Variants in ERMP1 observed in about 807,000 individuals in gnomAD.
ERMP1 encodes the protein endoplasmic reticulum metallopeptidase 1, also known as Felix-ina.
ERMP1 carries 86 observed loss-of-function variants against 92.0 expected under a neutral mutation model. The ratio of observed to expected loss-of-function variants is 0.93; its 90% CI spans 0.79 to 1.12. ERMP1 has a LOEUF of 1.12. ERMP1 is among the 50% of genes most tolerant of loss of function. The pLI, the probability that ERMP1 is intolerant of heterozygous loss-of-function variation, is 0.00. For missense variants in ERMP1, 1,342 were observed against 1,116.3 expected (o/e 1.20, Z -2.88); for synonymous variants, 530 against 412.8 (o/e 1.28, Z -3.44).
chr9:5,786,064 G>C lies in ERMP1; in HGVS notation c.*1080C>G, dbSNP rs1827923340. On this transcript the variant is annotated 3_prime_UTR_variant, in exon 15 of 15. Transcript: ENST00000339450. Reference sequence around the variant, plus strand: ...GTACAGTGGTCTCATTCCAGTATAAGCCACAACCTCAAGTCTCAGGAAAGC... The same window carrying C: ...GTACAGTGGTCTCATTCCAGTATAACCCACAACCTCAAGTCTCAGGAAAGC... 1 of 152,242 alleles carries C rather than the reference G, an allele frequency of 6.6e-6. No individual in the cohort carries two copies. Among genetic ancestry groups the C allele is most frequent in the African/African-American group, 2.4e-5 (1 of 41,540 alleles). The allele number at this position is 152,242 out of a possible 1,614,324, so 9.4% of individuals were successfully genotyped here.
intron 6 of ERMP1, among the ~76,000 whole-genome samples, chr9:5,851,793 ACACATAAAAATTG>A (rs1206316767): frequency 3.3e-5 from 5 of 152,198 alleles, no homozygotes; most frequent in Non-Finnish European, 7.3e-5. Context: ...TGATTTTAAC[ACACATAAAAATTG>A]AGAAAACACT....
At chr9:5,823,592 T>A (rs1586815279) in intron 4 of ERMP1, among the ~76,000 whole-genome samples, 1 of 152,216 alleles carries the variant, frequency 6.6e-6, no homozygotes, top group Non-Finnish European at 1.5e-5. Flanking sequence ...CTCTCTGGAC[T>A]CAGTTTCATC....
At chr9:5,803,179 C>A (rs1828739100) in intron 10 of ERMP1, among the ~76,000 whole-genome samples, 1 of 152,138 alleles carries the variant, frequency 6.6e-6, no homozygotes, top group South Asian at 2.1e-4. Context: ...CTCCATTACC[C>A]AAAGAAAACA....
intron 12 of ERMP1, among the ~76,000 whole-genome samples, chr9:5,798,294 G>T (rs1828528098): frequency 2.0e-5 from 3 of 151,900 alleles, no homozygotes; most frequent in Admixed American, 2.0e-4. Context: ...TCGGCTCACC[G>T]CAACCTCCAC....
upstream of ERMP1, chr9:5,833,156 T>G: frequency 1.2e-6 from 1 of 844,106 alleles, no homozygotes; most frequent in South Asian, 2.2e-5. Flanking sequence ...AAACTTCTTC[T>G]GATTGGCCCG....
At position 5,787,477 on chromosome 9, in the gene ERMP1, A is replaced by G. The variant is rs768074009; in HGVS notation, c.2503T>C (p.Ser835Pro). Residue 835 changes from serine (S) to proline (P), a missense_variant, in exon 14 of 15, where the codon TCC becomes CCC. Coordinates refer to ENST00000339450, the MANE Select transcript of ERMP1 (RefSeq NM_024896.3). ...CATGCAGAGGCCTGGAGTCCATGGG[A>G]GTAAAAGACAAAGTAGTCTCCTCCT... ...SKGGDYFVFY[S>P]HGLQASAWQF... The G allele has an allele frequency of 1.2e-6, 2 of 1,614,178 alleles. No individual in the cohort carries two copies. The highest frequency in any genetic ancestry group is 1.7e-6 in the Non-Finnish European group (2 of 1,179,996).
chr9:5,813,050 GACAAC>G lies in ERMP1; in HGVS notation c.875-20_875-16del. 6.2e-7 allele frequency: 1 copy of G among 1,612,192 alleles called. No individual in the cohort carries two copies. The highest frequency in any genetic ancestry group is 8.5e-7 in the Non-Finnish European group (1 of 1,179,462). ...ATTTTCAGGACCTAAAATGAAAGATGACAACACAATAGAAGGTATTCCGGCAATTT... is the reference window on the plus strand; with the variant it reads ...ATTTTCAGGACCTAAAATGAAAGATGACAATAGAAGGTATTCCGGCAATTT... On this transcript the variant is annotated splice_polypyrimidine_tract_variant and intron_variant, in intron 4 of 14. Coordinates refer to ENST00000339450, the MANE Select transcript of ERMP1 (RefSeq NM_024896.3).
intron 1 of ERMP1, among the ~76,000 whole-genome samples, chr9:5,832,130 G>T (rs184027986): frequency 1.3e-5 from 2 of 151,580 alleles, no homozygotes; most frequent in East Asian, 3.9e-4. Flanking sequence ...ACTAATCCAA[G>T]GGGCCTAAAG....
intron 6 of ERMP1, among the ~76,000 whole-genome samples, chr9:5,840,587 T>C (rs1029909997): frequency 5.9e-5 from 9 of 151,994 alleles, no homozygotes; most frequent in African/African-American, 2.2e-4. Flanking sequence ...CATTGGAAAA[T>C]AGGGATGCAA....
chr9:5,862,027 G>A (rs985648230), intron 5 of ERMP1, among the ~76,000 whole-genome samples: 1 of 151,766 alleles, frequency 6.6e-6, no homozygotes, highest in African/African-American at 2.4e-5. Flanking sequence ...AAGTATGTAT[G>A]TATGTATGTA....
At position 5,800,748 on chromosome 9, in the gene ERMP1, A is replaced by G. The variant is rs571155724; in HGVS notation, c.2067+428T>C. Among the ~76,000 whole-genome samples the G allele has an allele frequency of 1.2e-4, 18 of 152,328 alleles. No homozygotes were observed. In the East Asian group the frequency reaches 3.3e-3, roughly 28 times the overall value. On this transcript the variant is annotated intron_variant, in intron 11 of 14. Coordinates refer to ENST00000339450, the MANE Select transcript of ERMP1 (RefSeq NM_024896.3). ...CTTTCTAAGTTATAGTTTCACTATC[A>G]CATATCACTTTGAATGTTACTTAAG...
upstream of ERMP1, among the ~76,000 whole-genome samples, chr9:5,836,423 C>A (rs762737966): frequency 7.9e-5 from 12 of 152,134 alleles, no homozygotes; most frequent in Non-Finnish European, 1.6e-4. Flanking sequence ...TGAGCCCAAA[C>A]CAGTTGCAGA....
At chr9:5,804,450 A>C (rs569962187) in intron 10 of ERMP1, among the ~76,000 whole-genome samples, 27 of 152,206 alleles carry the variant, frequency 1.8e-4, no homozygotes, top group Non-Finnish European at 4.0e-4. Context: ...GGACACTGAT[A>C]CGGCAAAATG....
chr9:5,813,807 T>A (rs1426653175), intron 4 of ERMP1, among the ~76,000 whole-genome samples: 1 of 150,662 alleles, frequency 6.6e-6, no homozygotes, highest in Non-Finnish European at 1.5e-5. Context: ...TACAGCTTTT[T>A]CAAATGGGAG....
Position 5,832,506 on chromosome 9 carries a change from G to C in ERMP1, c.338+184C>G, listed in dbSNP as rs115128684. ...TTAACCGGGGACAGGCAAGCCCCAA[G>C]TCCCGGCAATTCAGACCCCAGAAGA... On this transcript the variant is annotated intron_variant, in intron 1 of 14. Coordinates refer to ENST00000339450, the MANE Select transcript of ERMP1 (RefSeq NM_024896.3). The C allele has an allele frequency of 3.7e-3, 1,833 of 495,260 alleles. 25 individuals carry two copies. Among genetic ancestry groups the C allele is most frequent in the African/African-American group, 0.031 (1,511 of 49,282 alleles). The allele number at this position is 495,260 out of a possible 1,614,324, so 30.7% of individuals were successfully genotyped here. A position where few individuals can be genotyped will look rare whatever the true frequency, so the allele number is the denominator to read the frequency against.
At chr9:5,799,069 GATTACAAAA>G (rs1586776818) in intron 11 of ERMP1, 61 bp from the exon 12 acceptor site, 2 of 1,211,098 alleles carry the variant, frequency 1.7e-6, no homozygotes, top group East Asian at 4.8e-5. Context: ...TCCCACCCCA[GATTACAAAA>G]ATGGAGTATG....
In ERMP1 at chr9:5,820,423, G is replaced by C. The variant is rs116701534; in HGVS notation, c.874+3473C>G. ...TAGAAAAAAATTCTAGAAGAGTATA[G>C]ACTAAACTATTACACTAGTTTGCTC... is the stretch of plus-strand genomic sequence containing the variant. On this transcript the variant is annotated intron_variant, in intron 4 of 14. Coordinates refer to ENST00000339450, the MANE Select transcript of ERMP1 (RefSeq NM_024896.3). Among the ~76,000 whole-genome samples the C allele has an allele frequency of 7.4e-3, 1,120 of 152,260 alleles. 21 individuals carry two copies. The highest frequency in any genetic ancestry group is 0.026 in the African/African-American group (1,076 of 41,534).
Position 5,797,752 on chromosome 9 carries a change from T to A in ERMP1, c.2386+65A>T, listed in dbSNP as rs1012113480. ...CTGTGATATATCTGAGGGAAAAACA[T>A]ACATGCCACTTATTAACAAGTTTAA... On this transcript the variant is annotated intron_variant, in intron 13 of 14. Transcript: ENST00000339450. 52 of 960,984 alleles carry A rather than the reference T, an allele frequency of 5.4e-5. 1 individual carries two copies. The highest frequency in any genetic ancestry group is 5.1e-4 in the South Asian group (35 of 68,384). The allele number at this position is 960,984 out of a possible 1,614,324, so 59.5% of individuals were successfully genotyped here. A position where few individuals can be genotyped will look rare whatever the true frequency, so the allele number is the denominator to read the frequency against.
chr9:5,818,100 C>G (rs1394529840), intron 4 of ERMP1, among the ~76,000 whole-genome samples: 1 of 151,206 alleles, frequency 6.6e-6, no homozygotes, highest in Non-Finnish European at 1.5e-5. Context: ...AGCTGGAGAA[C>G]TGTGAGCCAT....
Sources: allele counts gnomAD v4.1 joint callset (sites outside exome capture counted in the v4.1 genomes callset), GRCh38; gene constraint gnomAD v4.1.1; transcripts MANE v1.5; gene names NCBI Gene and HGNC (gene_info 2026-07-23, HGNC 2026-07-21).